The following NR3C1 variants were observed in gnomAD, a reference collection of about 807,000 sequenced individuals.
NR3C1 encodes the protein nuclear receptor subfamily 3 group C member 1, also known as glucocorticoid receptor.
Under a neutral mutation model 74.0 loss-of-function variants are expected in NR3C1, and 14 were observed. That is an observed-to-expected ratio of 0.19 (90% CI 0.12 to 0.30). The LOEUF (loss-of-function observed/expected upper bound fraction) is 0.30. Among genes scored for constraint, NR3C1 ranks in the 10% least tolerant of loss-of-function variants. The pLI, the probability that NR3C1 is intolerant of heterozygous loss-of-function variation, is 1.00. For missense variants in NR3C1, 695 were observed against 909.8 expected, an observed-to-expected ratio of 0.76 and a Z score of 3.04; for synonymous variants, 308 against 332.5, an observed-to-expected ratio of 0.93 and a Z score of 0.80.
At chr5:143,351,061 C>T (rs538421100) in intron 2 of NR3C1, among the ~76,000 whole-genome samples, 3 of 152,310 alleles carry the variant, frequency 2.0e-5, no homozygotes, top group Admixed American at 1.3e-4. Flanking sequence ...TATTTCCTTC[C>T]CTACTGCTAC....
chr5:143,340,764 G>GC, intron 2 of NR3C1, among the ~76,000 whole-genome samples: 3 of 151,830 alleles, frequency 2.0e-5, no homozygotes, highest in African/African-American at 7.3e-5. Context: ...TACAGACATG[G>GC]GCCACCACAC....
At chr5:143,287,610 A>C (rs1229975325) in intron 7 of NR3C1, among the ~76,000 whole-genome samples, 1 of 152,212 alleles carries the variant, frequency 6.6e-6, no homozygotes, top group Non-Finnish European at 1.5e-5. Flanking sequence ...AATACTCTAT[A>C]AACTCTTTAA....
intron 7 of NR3C1, 58 bp downstream of exon 7, chr5:143,295,402 G>C (rs771964616): frequency 6.3e-7 from 1 of 1,599,594 alleles, no homozygotes; most frequent in Non-Finnish European, 8.5e-7. Flanking sequence ...ATTAACCTTT[G>C]TTTCTAGGCC....
chr5:143,425,684 C>T (rs1382613368), intron 1 of NR3C1, among the ~76,000 whole-genome samples: 1 of 151,926 alleles, frequency 6.6e-6, no homozygotes, highest in African/African-American at 2.4e-5. Flanking sequence ...CACTTCATAC[C>T]CACTAGGACA....
chr5:143,293,533 A>AT (rs1816422585), intron 7 of NR3C1, among the ~76,000 whole-genome samples: 1 of 152,190 alleles, frequency 6.6e-6, no homozygotes, highest in African/African-American at 2.4e-5. Context: ...TCATTTTAAA[A>AT]AAGATTATAA....
rs1434181262 is a variant in NR3C1, at chr5:143,382,615, T to C, written c.1184+17041A>G. On this transcript the variant is annotated intron_variant, in intron 2 of 8. Transcript: ENST00000394464. ...AGAGTTTACAGGGTTATGAATTTGG[T>C]CAAGTTCACACAGTTGTTAGTCAGA... 2.0e-5 allele frequency among the ~76,000 whole-genome samples: 3 copies of C among 152,346 alleles called. No homozygotes were observed. The South Asian group carries it at 6.2e-4, about 32-fold the overall frequency.
intron 2 of NR3C1, among the ~76,000 whole-genome samples, chr5:143,344,385 C>T (rs1828823135): frequency 6.6e-6 from 1 of 152,146 alleles, no homozygotes; most frequent in Admixed American, 6.5e-5. Flanking sequence ...TTATTATGGT[C>T]TAAGTACTTT....
chr5:143,434,189 A>G (rs1200822884), intron 1 of NR3C1, among the ~76,000 whole-genome samples: 3 of 152,044 alleles, frequency 2.0e-5, no homozygotes, highest in Non-Finnish European at 4.4e-5. Context: ...TTTTTACCTA[A>G]CACATTATAT....
In NR3C1 at chr5:143,279,462, A is replaced by G; in HGVS notation, c.*2427T>C. 6.8e-7 allele frequency: 1 copy of G among 1,470,716 alleles called. No individual in the cohort carries two copies. The highest frequency in any genetic ancestry group is 9.0e-7 in the Non-Finnish European group (1 of 1,117,022). 91.1% of individuals were successfully genotyped at this position (1,470,716 alleles called of 1,614,324 possible). A position where few individuals can be genotyped will look rare whatever the true frequency, so the allele number is the denominator to read the frequency against. ...TTAGAAGCTCTTTTTGAAACTTAAC[A>G]CTGTCATTGATAAGAATATTCAAGC... is the stretch of plus-strand genomic sequence containing the variant. On this transcript the variant is annotated 3_prime_UTR_variant, in exon 9 of 9. Coordinates refer to ENST00000394464, the MANE Select transcript of NR3C1 (RefSeq NM_000176.3).
intron 1 of NR3C1, chr5:143,402,606 T>G (rs1003696146): frequency 5.6e-5 from 55 of 985,346 alleles, no homozygotes; most frequent in Non-Finnish European, 6.3e-5. Flanking sequence ...CCAGACCTGT[T>G]GAGTTCTCTC....
At chr5:143,405,039 G>A (rs939579654), upstream of NR3C1, 11 of 818,418 alleles carry the variant, frequency 1.3e-5, no homozygotes, top group African/African-American at 1.7e-4. Flanking sequence ...TCCTGAGAAA[G>A]GAGAGGGCCG....
At chr5:143,314,418 CTTCT>C (rs1183806170) in intron 2 of NR3C1, among the ~76,000 whole-genome samples, 4 of 139,598 alleles carry the variant, frequency 2.9e-5, no homozygotes, top group Non-Finnish European at 6.3e-5. Context: ...TTCACTTCTT[CTTCT>C]TTTTTTTTTT....
intron 2 of NR3C1, among the ~76,000 whole-genome samples, chr5:143,315,870 AATG>A (rs1293967558): frequency 3.9e-5 from 6 of 152,206 alleles, no homozygotes; most frequent in Admixed American, 6.5e-5. Context: ...TCTATCTTCA[AATG>A]AAGCTTCCTG....
chr5:143,417,616 A>G (rs1486407547), intron 1 of NR3C1, among the ~76,000 whole-genome samples: 1 of 152,178 alleles, frequency 6.6e-6, no homozygotes, highest in Non-Finnish European at 1.5e-5. Flanking sequence ...TAATTAATGC[A>G]TGGTAAAGTA....
intron 2 of NR3C1, among the ~76,000 whole-genome samples, chr5:143,341,234 A>G (rs980862256): frequency 6.6e-6 from 1 of 152,260 alleles, no homozygotes; most frequent in African/African-American, 2.4e-5. Context: ...ACCAATTTAA[A>G]GGAAATTTCC....
chr5:143,323,596 CTCACATTTCAAAACCAA>C (rs1599938759), intron 2 of NR3C1, among the ~76,000 whole-genome samples: 1 of 152,170 alleles, frequency 6.6e-6, no homozygotes, highest in Non-Finnish European at 1.5e-5. Context: ...ATCTCATGTC[CTCACATTTCAAAACCAA>C]TCATGCCTTC....
chr5:143,368,142 G>C (rs1329160816), intron 2 of NR3C1, among the ~76,000 whole-genome samples: 1 of 152,154 alleles, frequency 6.6e-6, no homozygotes, highest in South Asian at 2.1e-4. Flanking sequence ...AATGGGGAAA[G>C]AATAATCTTT....
chr5:143,316,834 G>T (rs1413070348), intron 2 of NR3C1, among the ~76,000 whole-genome samples: 1 of 152,118 alleles, frequency 6.6e-6, no homozygotes, highest in East Asian at 1.9e-4. Flanking sequence ...TATATAAATG[G>T]AAGGTAGTAT....
At chr5:143,333,196 A>T (rs1485267117) in intron 2 of NR3C1, 2 of 1,563,508 alleles carry the variant, frequency 1.3e-6, no homozygotes, top group Non-Finnish European at 1.7e-6. Flanking sequence ...ACACCTGGCT[A>T]TCGGGGTGAA....
Sources: allele counts gnomAD v4.1 joint callset (sites outside exome capture counted in the v4.1 genomes callset), GRCh38; gene constraint gnomAD v4.1.1; transcripts MANE v1.5; gene names NCBI Gene and HGNC (gene_info 2026-07-23, HGNC 2026-07-21).